CTNNA3: variants seen among roughly 807,000 people sequenced by gnomAD.
The protein encoded by CTNNA3 is catenin alpha-3.
A neutral mutation model predicts 95.7 loss-of-function variants in CTNNA3; 76 were observed. The ratio of observed to expected loss-of-function variants is 0.79; its 90% CI spans 0.66 to 0.96. The LOEUF (loss-of-function observed/expected upper bound fraction) is 0.96, where lower values mean the gene tolerates loss of function less well. CTNNA3 is among the 40% of genes least tolerant of loss of function. The pLI is 0.00. For missense variants in CTNNA3, 1,191 were observed against 1,089.8 expected (o/e 1.09, Z -1.31); for synonymous variants, 431 against 374.4 (o/e 1.15, Z -1.74).
At chr10:67,674,177 T>C (rs1412336567) in intron 1 of CTNNA3, among the ~76,000 whole-genome samples, 1 of 151,950 alleles carries the variant, frequency 6.6e-6, no homozygotes, top group African/African-American at 2.4e-5. Flanking sequence ...AAAGAGGTGA[T>C]TAGGTTAAAA....
intron 17 of CTNNA3, among the ~76,000 whole-genome samples, 161 bp downstream of exon 17, chr10:65,966,451 G>T (rs1389399790): frequency 6.6e-6 from 1 of 152,152 alleles, no homozygotes; most frequent in Non-Finnish European, 1.5e-5. Context: ...GCTAGTTTAA[G>T]ATTTCTTGCT....
chr10:66,524,266 G>A (rs944272307), intron 10 of CTNNA3, among the ~76,000 whole-genome samples: 8 of 152,146 alleles, frequency 5.3e-5, no homozygotes, highest in African/African-American at 1.4e-4. Flanking sequence ...TCTATTCCTG[G>A]GTAATGAGCT....
chr10:66,248,740 T>C (rs1490174624), intron 13 of CTNNA3, among the ~76,000 whole-genome samples: 1 of 152,090 alleles, frequency 6.6e-6, no homozygotes, highest in African/African-American at 2.4e-5. Flanking sequence ...CACTGAGATA[T>C]AAATTGCAAA....
intron 13 of CTNNA3, among the ~76,000 whole-genome samples, chr10:66,270,227 G>GTT (rs1392763651): frequency 4.6e-5 from 7 of 150,560 alleles, no homozygotes; most frequent in African/African-American, 1.7e-4. Context: ...CATTTTTTGG[G>GTT]GGGGGGGGCA....
At position 67,049,836 on chromosome 10, in the gene CTNNA3, T is replaced by TA. The variant is rs575360768; in HGVS notation, c.1047+130480_1047+130481insT. 2.3e-3 allele frequency among the ~76,000 whole-genome samples: 346 copies of TA among 152,322 alleles called. 2 individuals are homozygous for TA. Among genetic ancestry groups the TA allele is most frequent in the African/African-American group, 8.0e-3 (332 of 41,574 alleles). ...GGTATGTGCATGTGTTTTATATATA[T>TA]TACAAATATAGTAATATATACACAC... On this transcript the variant is annotated intron_variant, in intron 7 of 17. Transcript: ENST00000433211.
chr10:66,613,108 G>A (rs1256411312), intron 10 of CTNNA3, among the ~76,000 whole-genome samples: 2 of 152,032 alleles, frequency 1.3e-5, no homozygotes, highest in Non-Finnish European at 2.9e-5. Flanking sequence ...AAACACTTTG[G>A]TTTGTAATTC....
chr10:66,102,660 A>T (rs1279643625), intron 14 of CTNNA3, among the ~76,000 whole-genome samples: 1 of 152,016 alleles, frequency 6.6e-6, no homozygotes, highest in African/African-American at 2.4e-5. Flanking sequence ...GTAATTCAGA[A>T]ATTAGAATAA....
At chr10:67,700,312 G>A (rs1266437743), upstream of CTNNA3, among the ~76,000 whole-genome samples, 1 of 152,222 alleles carries the variant, frequency 6.6e-6, no homozygotes, top group East Asian at 1.9e-4. Context: ...AGAATGGGCA[G>A]ACTGCCTCCT....
At chr10:67,740,376 A>G (rs926620066) in intron 1 of CTNNA3, among the ~76,000 whole-genome samples, 1 of 151,688 alleles carries the variant, frequency 6.6e-6, no homozygotes, top group African/African-American at 2.4e-5. Flanking sequence ...CAGGCAACCC[A>G]CAAAATGGGA....
At chr10:67,214,434 A>C (rs1288021546) in intron 6 of CTNNA3, among the ~76,000 whole-genome samples, 7 of 151,790 alleles carry the variant, frequency 4.6e-5, no homozygotes. Context: ...ATCCATCCTA[A>C]TTATACACTG....
At chr10:66,845,707 A>AAAAAAAAAAAAC (rs1843228269) in intron 7 of CTNNA3, among the ~76,000 whole-genome samples, 45 of 61,172 alleles carry the variant, frequency 7.4e-4, no homozygotes, top group Non-Finnish European at 1.0e-3. Context: ...CTGTCTCAAA[A>AAAAAAAAAAAAC]AAAAAAAAAA....
chr10:67,289,286 G>A (rs1353074552), intron 5 of CTNNA3, among the ~76,000 whole-genome samples: 2 of 152,130 alleles, frequency 1.3e-5, no homozygotes, highest in Admixed American at 1.3e-4. Context: ...AGAGAAGAGA[G>A]AGGAGAGAAA....
chr10:66,347,346 C>A (rs1029538115), intron 12 of CTNNA3, among the ~76,000 whole-genome samples: 2 of 152,022 alleles, frequency 1.3e-5, no homozygotes, highest in East Asian at 3.9e-4. Flanking sequence ...TGCCATGGCT[C>A]ACACCTGTAA....
intron 9 of CTNNA3, among the ~76,000 whole-genome samples, chr10:66,633,913 G>A (rs977750206): frequency 6.6e-6 from 1 of 151,976 alleles, no homozygotes; most frequent in East Asian, 1.9e-4. Flanking sequence ...AAACGCGATT[G>A]ATGAAATAGT....
chr10:66,542,630 T>C (rs1385098758), intron 10 of CTNNA3, among the ~76,000 whole-genome samples: 1 of 150,348 alleles, frequency 6.7e-6, no homozygotes, highest in African/African-American at 2.5e-5. Flanking sequence ...CAGCAAACTA[T>C]CACAAGGACA....
chr10:66,444,100 G>T (rs1470175854), intron 11 of CTNNA3, among the ~76,000 whole-genome samples: 2 of 152,184 alleles, frequency 1.3e-5, no homozygotes, highest in African/African-American at 4.8e-5. Flanking sequence ...TGAATGAAAT[G>T]AAGTCAGAAG....
At chr10:66,859,677 A>G (rs894637276) in intron 7 of CTNNA3, among the ~76,000 whole-genome samples, 3 of 142,884 alleles carry the variant, frequency 2.1e-5, no homozygotes, top group Non-Finnish European at 3.1e-5. Flanking sequence ...TATATACCCA[A>G]ACGACTATAA....
At chr10:67,295,803 C>T (rs1840007768) in intron 5 of CTNNA3, among the ~76,000 whole-genome samples, 1 of 152,200 alleles carries the variant, frequency 6.6e-6, no homozygotes, top group Non-Finnish European at 1.5e-5. Context: ...AGAAGACACA[C>T]ACCTGTGATG....
chr10:66,070,037 C>A (rs1233296689), intron 14 of CTNNA3, among the ~76,000 whole-genome samples: 2 of 152,032 alleles, frequency 1.3e-5, no homozygotes, highest in African/African-American at 4.8e-5. Flanking sequence ...TTGAATGTTC[C>A]ATAAATGGTA....
Sources: gnomAD v4.1 joint callset for allele counts (sites outside exome capture counted in the v4.1 genomes callset) on GRCh38, gnomAD v4.1.1 for gene constraint, MANE v1.5 for transcripts, NCBI Gene and HGNC (gene_info 2026-07-23, HGNC 2026-07-21) for gene names.